Variants in IGSF21 observed in about 807,000 individuals in gnomAD.
The protein encoded by IGSF21 is immunoglobulin superfamily member 21.
Under a neutral mutation model 46.8 loss-of-function variants are expected in IGSF21, and 28 were observed. The ratio of observed to expected loss-of-function variants is 0.60; its 90% CI spans 0.44 to 0.82. The LOEUF (loss-of-function observed/expected upper bound fraction) is 0.82, where lower values mean the gene tolerates loss of function less well. Among genes scored for constraint, IGSF21 ranks in the 40% least tolerant of loss-of-function variants. The probability of loss-of-function intolerance (pLI) is 0.00; values close to 1 mark genes in which losing one functional copy is unlikely to be tolerated. For synonymous variants in IGSF21, 284 were observed against 273.6 expected (o/e 1.04, Z -0.38); for missense variants, 624 against 665.5 (o/e 0.94, Z 0.69).
intron 1 of IGSF21, chr1:18,111,871 G>T (rs1239710533): frequency 6.6e-6 from 1 of 152,024 alleles, no homozygotes; most frequent in African/African-American, 2.4e-5. Context: ...CTCTCTGGCC[G>T]CAAAGAATCC....
intron 1 of IGSF21, among the ~76,000 whole-genome samples, chr1:18,127,915 A>C (rs746218777): frequency 4.6e-5 from 7 of 152,114 alleles, no homozygotes; most frequent in Non-Finnish European, 1.0e-4. Context: ...TCTTCTAAAA[A>C]CAAATGGGGG....
At chr1:18,302,972 C>G (rs1008431071) in intron 3 of IGSF21, among the ~76,000 whole-genome samples, 11 of 152,168 alleles carry the variant, frequency 7.2e-5, no homozygotes, top group Admixed American at 6.5e-4. Flanking sequence ...GCCTAGCTCC[C>G]CAGGGAGGGA....
chr1:18,365,418 C>T lies in IGSF21; in HGVS notation c.736C>T (p.Pro246Ser). ...GGGTGGGCGACCCTACACGGAGCGC[C>T]CCTCCCGTGGCCTGACCCCAGATCC... ...NRGGRPYTER[P>S]SRGLTPDPNI... The change falls in exon 6 of 10, where the codon CCC (proline) becomes TCC (serine). Residue 246 changes from proline (P) to serine (S), a missense_variant. Coordinates refer to ENST00000251296, the MANE Select transcript of IGSF21 (RefSeq NM_032880.5). This position sits in a 1 kb window ranked among gnomAD's most constrained non-coding sequence, Gnocchi z 4.8. 6.2e-7 allele frequency: 1 copy of T among 1,614,044 alleles called. No individual in the cohort carries two copies.
rs1163462579 is a variant in IGSF21, at chr1:18,258,173, A to G, written c.183+30163A>G. Among the ~76,000 whole-genome samples, 6 of 152,288 alleles carry G rather than the reference A, an allele frequency of 3.9e-5. No homozygotes were observed. The East Asian group carries it at 9.7e-4, about 25-fold the overall frequency. On this transcript the variant is annotated intron_variant, in intron 2 of 9. Coordinates refer to ENST00000251296, the MANE Select transcript of IGSF21 (RefSeq NM_032880.5). Reference sequence around the variant, plus strand: ...TGACCCACCAAGGATACACAAGCAAAGACAGAAGGGATGGGAGAGGGAAAG... The same window carrying G: ...TGACCCACCAAGGATACACAAGCAAGGACAGAAGGGATGGGAGAGGGAAAG...
chr1:18,127,764 C>A (rs1328512167), intron 1 of IGSF21, among the ~76,000 whole-genome samples: 1 of 152,096 alleles, frequency 6.6e-6, no homozygotes, highest in Non-Finnish European at 1.5e-5. Flanking sequence ...ATAAAATTAG[C>A]CGGGCATGGT....
At chr1:18,240,985 G>T (rs969027974) in intron 2 of IGSF21, among the ~76,000 whole-genome samples, 3 of 152,168 alleles carry the variant, frequency 2.0e-5, no homozygotes, top group Admixed American at 6.5e-5. Flanking sequence ...TGGAAATCAG[G>T]CATCAGAAAG....
chr1:18,160,558 A>G lies in IGSF21; in HGVS notation c.70+52360A>G, dbSNP rs529497969. On this transcript the variant is annotated intron_variant, in intron 1 of 9. Transcript: ENST00000251296. ...GGCGAACTTGTGTGTTTTCTGGTTT[A>G]AGTCATAATTTCTTTTCTGGTAACA... is the stretch of plus-strand genomic sequence containing the variant. Among the ~76,000 whole-genome samples the G allele has an allele frequency of 1.6e-3, 195 of 122,856 alleles. 2 individuals are homozygous for G. Among genetic ancestry groups the G allele is most frequent in the Non-Finnish European group, 6.7e-4 (33 of 49,142 alleles). The allele number at this position is 122,856 out of a possible 152,430, so 80.6% of individuals were successfully genotyped here.
chr1:18,299,247 A>C (rs537210026), intron 3 of IGSF21, among the ~76,000 whole-genome samples: 1 of 152,384 alleles, frequency 6.6e-6, no homozygotes, highest in African/African-American at 2.4e-5. Flanking sequence ...ATGGCTTCTA[A>C]GCGGAAGCTC....
At chr1:18,175,415 A>G (rs1041449082) in intron 1 of IGSF21, among the ~76,000 whole-genome samples, 4 of 152,208 alleles carry the variant, frequency 2.6e-5, no homozygotes, top group Admixed American at 2.6e-4. Flanking sequence ...TAGCACCCGC[A>G]GACAGCCGGG....
At chr1:18,259,373 A>C (rs1056130422) in intron 2 of IGSF21, among the ~76,000 whole-genome samples, 1 of 152,220 alleles carries the variant, frequency 6.6e-6, no homozygotes, top group African/African-American at 2.4e-5. Flanking sequence ...CATTGTGGAC[A>C]GTAGGTGCTC....
rs114914768 is a variant in IGSF21, at chr1:18,286,481, C to T, written c.184-5385C>T. 4.6e-3 allele frequency among the ~76,000 whole-genome samples: 695 copies of T among 152,332 alleles called. 2 individuals carry two copies. The highest frequency in any genetic ancestry group is 0.015 in the African/African-American group (615 of 41,586). ...GGATGCAGATTCTTTTGCATAACTA[C>T]GTGCACAGCCTCTTCTGTCTGGTCC... On this transcript the variant is annotated intron_variant, in intron 2 of 9. Coordinates refer to ENST00000251296, the MANE Select transcript of IGSF21 (RefSeq NM_032880.5).
chr1:18,163,772 C>T (rs1034587464), intron 1 of IGSF21, among the ~76,000 whole-genome samples: 3 of 152,144 alleles, frequency 2.0e-5, no homozygotes, highest in African/African-American at 7.2e-5. Context: ...AACAGAAGTG[C>T]CCACCAATGT....
intron 1 of IGSF21, among the ~76,000 whole-genome samples, chr1:18,210,854 C>T (rs989458203): frequency 6.6e-6 from 1 of 152,066 alleles, no homozygotes; most frequent in Non-Finnish European, 1.5e-5. Flanking sequence ...TTTCTTGAAC[C>T]ATCTCTTTAT....
At chr1:18,206,647 G>T (rs946455844) in intron 1 of IGSF21, among the ~76,000 whole-genome samples, 1 of 152,158 alleles carries the variant, frequency 6.6e-6, no homozygotes, top group African/African-American at 2.4e-5. Flanking sequence ...TGAGCAAAGA[G>T]TCCAATGTAG....
At chr1:18,278,065 C>G (rs544075607) in intron 2 of IGSF21, among the ~76,000 whole-genome samples, 1 of 152,068 alleles carries the variant, frequency 6.6e-6, no homozygotes, top group African/African-American at 2.4e-5. Flanking sequence ...ATATTGAACT[C>G]TAAATAGAAG....
intron 1 of IGSF21, among the ~76,000 whole-genome samples, chr1:18,177,518 A>G (rs564774813): frequency 6.6e-6 from 1 of 151,852 alleles, no homozygotes; most frequent in African/African-American, 2.4e-5. Flanking sequence ...ATCCAGTCTC[A>G]GGTTCTCTCT....
intron 3 of IGSF21, among the ~76,000 whole-genome samples, chr1:18,306,638 C>T (rs1325761502): frequency 2.0e-5 from 3 of 152,174 alleles, no homozygotes; most frequent in East Asian, 1.9e-4. Context: ...ATTTCATATA[C>T]GGATAAGCGA....
Position 18,188,422 on chromosome 1 carries a change from G to C in IGSF21, c.71-39476G>C, listed in dbSNP as rs142336315. 3.7e-3 allele frequency among the ~76,000 whole-genome samples: 570 copies of C among 152,214 alleles called. 4 individuals carry two copies. Among genetic ancestry groups the C allele is most frequent in the African/African-American group, 0.013 (544 of 41,524 alleles). The stretch of plus-strand genomic sequence containing the variant: ...GCCAGTAAAATATGGCCTTTGATTA[G>C]ATCACCGCAGGGAAGGCTGAGGTGC... On this transcript the variant is annotated intron_variant, in intron 1 of 9. Transcript: ENST00000251296.
chr1:18,183,572 G>A (rs1570312226), intron 1 of IGSF21, among the ~76,000 whole-genome samples: 1 of 150,662 alleles, frequency 6.6e-6, no homozygotes, highest in Non-Finnish European at 1.5e-5. Flanking sequence ...CATGAGATAC[G>A]TAACAGCCAT....
Sources: gnomAD v4.1 joint callset for allele counts (sites outside exome capture counted in the v4.1 genomes callset) on GRCh38, gnomAD v4.1.1 for gene constraint, Gnocchi (gnomAD v3.1) non-coding constraint, MANE v1.5 for transcripts, NCBI Gene and HGNC (gene_info 2026-07-23, HGNC 2026-07-21) for gene names.